Variants in CRPPA observed in about 807,000 individuals in gnomAD.
The protein encoded by CRPPA is CDP-L-ribitol pyrophosphorylase A, also known as D-ribitol-5-phosphate cytidylyltransferase.
In CRPPA, 43 loss-of-function variants were observed where a neutral mutation model predicts 52.0. The ratio of observed to expected loss-of-function variants is 0.83; its 90% confidence interval spans 0.65 to 1.07. The LOEUF (loss-of-function observed/expected upper bound fraction) is 1.07. Ranked by LOEUF, CRPPA falls within the 50% of genes least tolerant of loss-of-function variation. The pLI is 0.00. For synonymous variants in CRPPA, 250 were observed against 203.5 expected, an observed-to-expected ratio of 1.23 and a Z score of -1.94; for missense variants, 629 against 551.7, an observed-to-expected ratio of 1.14 and a Z score of -1.40.
intron 9 of CRPPA, among the ~76,000 whole-genome samples, chr7:16,166,350 G>A (rs1239776433): frequency 6.6e-6 from 1 of 151,786 alleles, no homozygotes; most frequent in Non-Finnish European, 1.5e-5. Context: ...CATGATCTCA[G>A]CTCACTGCAA....
intron 3 of CRPPA, among the ~76,000 whole-genome samples, chr7:16,363,065 C>A (rs1786498971): frequency 6.6e-6 from 1 of 152,130 alleles, no homozygotes; most frequent in South Asian, 2.1e-4. Context: ...CCTAGATATT[C>A]AATAACCATT....
At chr7:16,160,954 C>T (rs976716203) in intron 9 of CRPPA, among the ~76,000 whole-genome samples, 1 of 152,100 alleles carries the variant, frequency 6.6e-6, no homozygotes, top group Admixed American at 6.6e-5. Context: ...CATGTTTTGG[C>T]TCTCTATTTG....
chr7:16,240,060 A>G (rs1783064061), intron 8 of CRPPA, among the ~76,000 whole-genome samples: 1 of 151,886 alleles, frequency 6.6e-6, no homozygotes, highest in African/African-American at 2.4e-5. Flanking sequence ...AGTATTCTAT[A>G]TCCCATAACA....
At chr7:16,125,459 A>T (rs1303798696) in intron 9 of CRPPA, among the ~76,000 whole-genome samples, 1 of 152,114 alleles carries the variant, frequency 6.6e-6, no homozygotes, top group Non-Finnish European at 1.5e-5. Flanking sequence ...TCTTTAATGC[A>T]ACCCAATAGA....
At chr7:16,127,042 C>T (rs1782593962) in intron 9 of CRPPA, among the ~76,000 whole-genome samples, 1 of 152,124 alleles carries the variant, frequency 6.6e-6, no homozygotes, top group South Asian at 2.1e-4. Flanking sequence ...TGTTCTCTCA[C>T]AGCACTACAT....
chr7:16,226,873 A>G (rs1782665516), intron 8 of CRPPA, among the ~76,000 whole-genome samples: 1 of 151,896 alleles, frequency 6.6e-6, no homozygotes, highest in South Asian at 2.1e-4. Context: ...AGACTGTACA[A>G]TCAATCTTTT....
At chr7:16,258,594 CTT>C in intron 7 of CRPPA, 112 bp from the exon 8 acceptor site, 2 of 645,750 alleles carry the variant, frequency 3.1e-6, no homozygotes, top group Non-Finnish European at 5.0e-6. Context: ...ATTTATCAAA[CTT>C]AGTTTTTAAT....
At chr7:16,341,010 A>G (rs1785812354) in intron 3 of CRPPA, among the ~76,000 whole-genome samples, 1 of 152,202 alleles carries the variant, frequency 6.6e-6, no homozygotes, top group African/African-American at 2.4e-5. Flanking sequence ...AAAAGGTTAT[A>G]TACTGTGTGA....
chr7:16,268,518 T>C (rs115298402), intron 6 of CRPPA, among the ~76,000 whole-genome samples: 2 of 152,194 alleles, frequency 1.3e-5, no homozygotes, highest in African/African-American at 2.4e-5. Flanking sequence ...TTCCCTCTCA[T>C]ACAACTTTCC....
intron 9 of CRPPA, among the ~76,000 whole-genome samples, chr7:16,181,027 G>T (rs1425121362): frequency 6.6e-6 from 1 of 151,706 alleles, no homozygotes; most frequent in African/African-American, 2.4e-5. Flanking sequence ...GTAATTTTAG[G>T]TACAATGTTT....
At chr7:16,150,552 A>G (rs73291891) in intron 9 of CRPPA, among the ~76,000 whole-genome samples, 2 of 152,228 alleles carry the variant, frequency 1.3e-5, no homozygotes, top group African/African-American at 4.8e-5. Context: ...ATGAAACAGG[A>G]AATCCATGCT....
rs147723305 is a variant in CRPPA at position 16,196,166 on chromosome 7, T to C, written c.1251+19900A>G. On this transcript the variant is annotated intron_variant, in intron 9 of 9. Coordinates refer to ENST00000407010, the MANE Select transcript of CRPPA (RefSeq NM_001101426.4). ...TTTTTACTTTAAGAAGCTCTTCTGC[T>C]AAAGCCTCACTGAGCATGTAAGCAC... Among the ~76,000 whole-genome samples the C allele has an allele frequency of 4.1e-3, 632 of 152,334 alleles. 7 individuals carry two copies. Among genetic ancestry groups the C allele is most frequent in the African/African-American group, 0.015 (606 of 41,580 alleles).
intron 4 of CRPPA, among the ~76,000 whole-genome samples, chr7:16,306,391 T>C (rs544702028): frequency 1.3e-5 from 2 of 152,232 alleles, no homozygotes; most frequent in South Asian, 2.1e-4. Flanking sequence ...GAGCAGAGCA[T>C]CAAGATGTAC....
At chr7:16,318,734 C>A (rs1377783128) in intron 3 of CRPPA, among the ~76,000 whole-genome samples, 2 of 152,156 alleles carry the variant, frequency 1.3e-5, no homozygotes, top group Non-Finnish European at 2.9e-5. Context: ...AGCACAAGCA[C>A]ACATTTGGCC....
chr7:16,112,438 T>A (rs1214874259), intron 9 of CRPPA, among the ~76,000 whole-genome samples: 3 of 152,000 alleles, frequency 2.0e-5, no homozygotes, highest in African/African-American at 7.2e-5. Flanking sequence ...ACAAAATTAA[T>A]AAAAGAACAG....
At chr7:16,107,819 T>C (rs79447373) in intron 9 of CRPPA, among the ~76,000 whole-genome samples, 1,743 of 152,176 alleles carry the variant, frequency 0.011, 31 homozygotes, top group African/African-American at 0.039. Flanking sequence ...TTGTCAGGGA[T>C]ACATATTATA....
chr7:16,226,456 A>C (rs942391378), intron 8 of CRPPA, among the ~76,000 whole-genome samples: 1 of 151,780 alleles, frequency 6.6e-6, no homozygotes, highest in African/African-American at 2.4e-5. Flanking sequence ...TTTTCCATGA[A>C]GGTACATCAT....
chr7:16,287,920 A>G (rs113728423), intron 5 of CRPPA, among the ~76,000 whole-genome samples: 5,066 of 118,750 alleles, frequency 0.043, 317 homozygotes, highest in African/African-American at 0.15. Flanking sequence ...AAAGGAAGGA[A>G]GGAAGGGAGG....
intron 9 of CRPPA, among the ~76,000 whole-genome samples, chr7:16,152,930 T>C (rs562779778): frequency 1.1e-4 from 16 of 152,136 alleles, no homozygotes; most frequent in South Asian, 4.1e-4. Context: ...GCTCAATGTA[T>C]TTTTCAGAAA....
Sources: allele counts gnomAD v4.1 joint callset (sites outside exome capture counted in the v4.1 genomes callset), GRCh38; gene constraint gnomAD v4.1.1; transcripts MANE v1.5; gene names NCBI Gene and HGNC (gene_info 2026-07-23, HGNC 2026-07-21).